The following ZNF250 variants were observed in gnomAD, a reference collection of about 807,000 sequenced individuals.
ZNF250 encodes the protein zinc finger protein 250.
A neutral mutation model predicts 37.1 loss-of-function variants in ZNF250; 13 were observed. That is an observed-to-expected ratio of 0.35 (90% CI 0.23 to 0.56). ZNF250 has a LOEUF of 0.56. Ranked by LOEUF, ZNF250 falls within the 20% of genes least tolerant of loss-of-function variation. The pLI is 0.87. For synonymous variants in ZNF250, 251 were observed against 265.6 expected, an observed-to-expected ratio of 0.94 and a Z score of 0.54; for missense variants, 474 against 697.9, an observed-to-expected ratio of 0.68 and a Z score of 3.61.
chr8:144,888,598 A>C (rs1431419468), intron 4 of ZNF250, among the ~76,000 whole-genome samples: 1 of 125,436 alleles, frequency 8.0e-6, no homozygotes. Flanking sequence ...ACTGTCTCAA[A>C]AAAAAAAAAA....
Position 144,901,110 on chromosome 8 carries a change from G to C in ZNF250, c.-55+289C>G, listed in dbSNP as rs1182977643. 6.6e-6 allele frequency among the ~76,000 whole-genome samples: 1 copy of C among 152,128 alleles called. No homozygotes were observed. The highest frequency in any genetic ancestry group is 1.9e-4 in the East Asian group (1 of 5,154). Reference sequence around the variant, plus strand: ...GTCTGACGGGGCCCAAGGGGGTAGGGGCGGGGAAGGGACCGAGGCCGTCCG... The same window carrying C: ...GTCTGACGGGGCCCAAGGGGGTAGGCGCGGGGAAGGGACCGAGGCCGTCCG... On this transcript the variant is annotated intron_variant, in intron 1 of 5. Coordinates refer to ENST00000417550, the MANE Select transcript of ZNF250 (RefSeq NM_001109689.4). The surrounding 1 kb of genome is among the most constrained non-coding windows in gnomAD (Gnocchi z 5.4).
intron 4 of ZNF250, among the ~76,000 whole-genome samples, chr8:144,887,580 T>C (rs1287814809): frequency 6.6e-6 from 1 of 152,086 alleles, no homozygotes; most frequent in Non-Finnish European, 1.5e-5. Context: ...CAACCAGCCA[T>C]GCTCCCAGAG....
At position 144,891,618 on chromosome 8, in the gene ZNF250, G is replaced by A. The variant is rs747882492; in HGVS notation, c.-54-1215C>T. Among the ~76,000 whole-genome samples, 44 of 152,142 alleles carry A rather than the reference G, an allele frequency of 2.9e-4. No homozygotes were observed. The highest frequency in any genetic ancestry group is 5.6e-4 in the Non-Finnish European group (38 of 68,030). On this transcript the variant is annotated intron_variant, in intron 1 of 5. Coordinates refer to ENST00000417550, the MANE Select transcript of ZNF250 (RefSeq NM_001109689.4). This position sits in a 1 kb window ranked among gnomAD's most constrained non-coding sequence, Gnocchi z 4.0. ...TGTAATCCCAGCACTTTGGGAGGCCGAGGCAGGCGGATCACCCGAGGTTGG... is the reference window on the plus strand; with the variant it reads ...TGTAATCCCAGCACTTTGGGAGGCCAAGGCAGGCGGATCACCCGAGGTTGG...
At position 144,878,841 on chromosome 8, in the gene ZNF250, T is replaced by C. The variant is rs1316507786; in HGVS notation, c.*2674A>G. 2.0e-5 allele frequency: 3 copies of C among 152,246 alleles called. No individual in the cohort carries two copies. The highest frequency in any genetic ancestry group is 6.5e-5 in the Admixed American group (1 of 15,288). 9.4% of individuals were successfully genotyped at this position (152,246 alleles called of 1,614,324 possible). A position where few individuals can be genotyped will look rare whatever the true frequency, so the allele number is the denominator to read the frequency against. Reference sequence around the variant, plus strand: ...TACCTTAGTGATCCCATTTCCGTTATTTCAGCTCCTCTGAAGTAAACCTCA... The same window carrying C: ...TACCTTAGTGATCCCATTTCCGTTACTTCAGCTCCTCTGAAGTAAACCTCA... On this transcript the variant is annotated 3_prime_UTR_variant, in exon 6 of 6. Transcript: ENST00000417550.
intron 4 of ZNF250, among the ~76,000 whole-genome samples, chr8:144,888,490 G>A (rs1336030627): frequency 1.3e-5 from 2 of 150,648 alleles, no homozygotes; most frequent in East Asian, 2.0e-4. Flanking sequence ...CCAGCTATTC[G>A]AGAAGCTGAG....
At chr8:144,894,562 G>A (rs1163194878) in intron 1 of ZNF250, among the ~76,000 whole-genome samples, 1 of 150,386 alleles carries the variant, frequency 6.6e-6, no homozygotes, top group African/African-American at 2.4e-5. Flanking sequence ...CCAAGAAGCA[G>A]GCCCAACAGA....
At chr8:144,885,418 G>A (rs1260394399) in intron 5 of ZNF250, among the ~76,000 whole-genome samples, 8 of 151,986 alleles carry the variant, frequency 5.3e-5, no homozygotes, top group Non-Finnish European at 4.4e-5. Context: ...ACCACCCCCG[G>A]CCCAGTTTAA....
At position 144,890,490 on chromosome 8, in the gene ZNF250, C is replaced by G; in HGVS notation, c.-54-87G>C. 3 of 763,322 alleles carry G rather than the reference C, an allele frequency of 3.9e-6. 1 individual carries two copies. Among genetic ancestry groups the G allele is most frequent in the South Asian group, 6.5e-5 (2 of 30,788 alleles). The allele number at this position is 763,322 out of a possible 1,614,324, so 47.3% of individuals were successfully genotyped here. The stretch of plus-strand genomic sequence containing the variant: ...CCTCAGGGGATCCCTGGGCCTCATT[C>G]AGAGTCACTGAGGGGCACACTGAGG... On this transcript the variant is annotated intron_variant, in intron 1 of 5. Coordinates refer to ENST00000417550, the MANE Select transcript of ZNF250 (RefSeq NM_001109689.4). This position sits in a 1 kb window ranked among gnomAD's most constrained non-coding sequence, Gnocchi z 5.1.
At chr8:144,887,252 CAAAAAAAAAAAAA>C (rs56677445) in intron 4 of ZNF250, among the ~76,000 whole-genome samples, 2 of 63,080 alleles carry the variant, frequency 3.2e-5, no homozygotes, top group African/African-American at 1.5e-4. Flanking sequence ...CTCCGTCTCT[CAAAAAAAAAAAAA>C]AAAAAAAAAA....
Position 144,882,885 on chromosome 8 carries a change from A to G in ZNF250, c.347-49T>C, listed in dbSNP as rs773490771. 5.8e-6 allele frequency: 9 copies of G among 1,557,386 alleles called. No homozygotes were observed. The Admixed American group carries it at 1.5e-4, about 27-fold the overall frequency. On this transcript the variant is annotated intron_variant, in intron 5 of 5. Coordinates refer to ENST00000417550, the MANE Select transcript of ZNF250 (RefSeq NM_001109689.4). This position sits in a 1 kb window ranked among gnomAD's most constrained non-coding sequence, Gnocchi z 5.5. ...AAATGTTAACACTACTCAAAACTGA[A>G]GAGCTAGTGCAACCCTGAAACTGGC...
At chr8:144,888,594 T>TGG (rs1328435141) in intron 4 of ZNF250, among the ~76,000 whole-genome samples, 1 of 79,076 alleles carries the variant, frequency 1.3e-5, no homozygotes. Flanking sequence ...CAAGACTGTC[T>TGG]CAAAAAAAAA....
At chr8:144,885,021 T>G (rs1473639980) in intron 5 of ZNF250, among the ~76,000 whole-genome samples, 1 of 152,242 alleles carries the variant, frequency 6.6e-6, no homozygotes, top group Non-Finnish European at 1.5e-5. Context: ...CTGCGTCTTT[T>G]TATTCTATTC....
rs964961960 is a variant in ZNF250 at position 144,891,853 on chromosome 8, CAAAACA to C, written c.-54-1456_-54-1451del. Reference sequence around the variant, plus strand: ...GGCAACCAAGAGCAAAACTCCATCTCAAAACAAAAACAAAAACAAAAATCAGCTGGG... The same window carrying C: ...GGCAACCAAGAGCAAAACTCCATCTCAAAACAAAAACAAAAATCAGCTGGG... On this transcript the variant is annotated intron_variant, in intron 1 of 5. Coordinates refer to ENST00000417550, the MANE Select transcript of ZNF250 (RefSeq NM_001109689.4). The surrounding 1 kb of genome is among the most constrained non-coding windows in gnomAD (Gnocchi z 4.0). 3.3e-5 allele frequency among the ~76,000 whole-genome samples: 5 copies of C among 152,018 alleles called. No homozygotes were observed. The highest frequency in any genetic ancestry group is 4.8e-5 in the African/African-American group (2 of 41,394).
chr8:144,887,286 GA>G (rs1274053479), intron 4 of ZNF250, among the ~76,000 whole-genome samples: 1 of 138,536 alleles, frequency 7.2e-6, no homozygotes, highest in Non-Finnish European at 1.5e-5. Flanking sequence ...AAAAAGAGTG[GA>G]AAATCCTTTC....
chr8:144,895,663 C>G (rs577941820), intron 1 of ZNF250, among the ~76,000 whole-genome samples: 1 of 151,976 alleles, frequency 6.6e-6, no homozygotes, highest in Admixed American at 6.6e-5. Flanking sequence ...AAGCATCACA[C>G]AAAATGCAGT....
rs139352845 is a variant in ZNF250 at position 144,883,512 on chromosome 8, G to C, written c.347-676C>G. ...ACACCATCATGCCTGGCTAATTTTT[G>C]TATTTTTAGTAGAGATGGGGTTTTA... On this transcript the variant is annotated intron_variant, in intron 5 of 5. Transcript: ENST00000417550. Among the ~76,000 whole-genome samples the C allele has an allele frequency of 8.9e-4, 135 of 152,090 alleles. 1 individual carries two copies. Among genetic ancestry groups the C allele is most frequent in the African/African-American group, 3.2e-3 (132 of 41,502 alleles).
In ZNF250 at chr8:144,901,295, G is replaced by C. The variant is rs1019276097; in HGVS notation, c.-55+104C>G. ...CCAGCGTAAACGCAGGAGGCAGTGC[G>C]TGCTCGCGGGGAAGAGTCCACGATT... On this transcript the variant is annotated intron_variant, in intron 1 of 5. Transcript: ENST00000417550. This position sits in a 1 kb window ranked among gnomAD's most constrained non-coding sequence, Gnocchi z 5.4. The C allele has an allele frequency of 6.6e-6, 1 of 152,324 alleles. No homozygotes were observed. Among genetic ancestry groups the C allele is most frequent in the Admixed American group, 6.5e-5 (1 of 15,292 alleles). 9.4% of individuals were successfully genotyped at this position (152,324 alleles called of 1,614,324 possible). A position where few individuals can be genotyped will look rare whatever the true frequency, so the allele number is the denominator to read the frequency against.
rs1214827570 is a variant in ZNF250 at position 144,896,871 on chromosome 8, C to T, written c.-55+4528G>A. Among the ~76,000 whole-genome samples, 4 of 152,158 alleles carry T rather than the reference C, an allele frequency of 2.6e-5. No homozygotes were observed. In the East Asian group the frequency reaches 7.7e-4, roughly 29 times the overall value. ...CAATATAAAGAACACCCACTCAGGG[C>T]ACTGGCTGAGCAATGATCCCTCCCA... is the stretch of plus-strand genomic sequence containing the variant. On this transcript the variant is annotated intron_variant, in intron 1 of 5. Transcript: ENST00000417550.
In ZNF250 at chr8:144,881,535, T is replaced by G; in HGVS notation, c.1648A>C (p.Lys550Gln). 6.3e-7 allele frequency: 1 copy of G among 1,595,482 alleles called. No individual in the cohort carries two copies. Among genetic ancestry groups the G allele is most frequent in the East Asian group, 2.2e-5 (1 of 44,526 alleles). The change falls in exon 6 of 6, where the codon AAA (lysine) becomes CAA (glutamine). Residue 550 changes from lysine (K) to glutamine (Q), a missense_variant. Coordinates refer to ENST00000417550, the MANE Select transcript of ZNF250 (RefSeq NM_001109689.4). ...ATGGGTCACAACTTTCTGTGCACTT[T>G]CTGGTGCTGGATTAGGTGGCCATGC... is the stretch of plus-strand genomic sequence containing the variant. Reference protein sequence around the residue: ...NQHGHLIQHQKVHRKL With the variant: ...NQHGHLIQHQQVHRKL
Sources: allele counts gnomAD v4.1 joint callset (sites outside exome capture counted in the v4.1 genomes callset), GRCh38; gene constraint gnomAD v4.1.1; non-coding constraint Gnocchi (gnomAD v3.1); transcripts MANE v1.5; gene names NCBI Gene and HGNC (gene_info 2026-07-23, HGNC 2026-07-21).